The following SNTG1 variants were observed in gnomAD, a reference collection of about 807,000 sequenced individuals.
SNTG1 encodes the protein gamma-1-syntrophin.
A neutral mutation model predicts 74.7 loss-of-function variants in SNTG1; 39 were observed. The ratio of observed to expected loss-of-function variants is 0.52; its 90% CI spans 0.40 to 0.68. The LOEUF is 0.68. Ranked by LOEUF, SNTG1 falls within the 30% of genes least tolerant of loss-of-function variation. The pLI is 0.00. For synonymous variants in SNTG1, 254 were observed against 217.1 expected, an observed-to-expected ratio of 1.17 and a Z score of -1.49; for missense variants, 685 against 609.5, an observed-to-expected ratio of 1.12 and a Z score of -1.30.
intron 4 of SNTG1, among the ~76,000 whole-genome samples, chr8:50,426,830 A>G (rs1342984500): frequency 2.6e-5 from 4 of 151,700 alleles, no homozygotes; most frequent in Non-Finnish European, 5.9e-5. Flanking sequence ...AATAAGAAGT[A>G]ACACAAATTT....
chr8:50,457,665 C>CG (rs920732172), intron 8 of SNTG1, among the ~76,000 whole-genome samples: 1 of 152,100 alleles, frequency 6.6e-6, no homozygotes, highest in African/African-American at 2.4e-5. Flanking sequence ...ATAGACAAGA[C>CG]GGGGGGAATC....
At chr8:50,356,955 G>A (rs1050980001) in intron 2 of SNTG1, among the ~76,000 whole-genome samples, 1 of 152,190 alleles carries the variant, frequency 6.6e-6, no homozygotes, top group East Asian at 1.9e-4. Context: ...AGCTGGACAT[G>A]GGTTCTGTTT....
At chr8:50,047,769 TG>T (rs1329417522) in intron 1 of SNTG1, among the ~76,000 whole-genome samples, 1 of 152,018 alleles carries the variant, frequency 6.6e-6, no homozygotes, top group East Asian at 1.9e-4. Flanking sequence ...AACCTGGGGG[TG>T]TCACATGCTA....
chr8:50,025,715 A>G (rs776984923), intron 1 of SNTG1, among the ~76,000 whole-genome samples: 1 of 152,194 alleles, frequency 6.6e-6, no homozygotes, highest in Non-Finnish European at 1.5e-5. Flanking sequence ...AAAAGTGTGG[A>G]TATCTCAGTA....
intron 1 of SNTG1, among the ~76,000 whole-genome samples, chr8:50,064,579 C>T (rs1820749566): frequency 6.6e-6 from 1 of 152,212 alleles, no homozygotes; most frequent in African/African-American, 2.4e-5. Flanking sequence ...CAATGCTGAT[C>T]ACTGAAAACT....
chr8:50,372,620 T>A (rs1341813644), intron 2 of SNTG1, among the ~76,000 whole-genome samples: 1 of 152,208 alleles, frequency 6.6e-6, no homozygotes, highest in Admixed American at 6.5e-5. Flanking sequence ...AAATGTCTGC[T>A]GTGTGTCAAG....
chr8:50,686,544 A>G (rs1481809924), intron 15 of SNTG1, among the ~76,000 whole-genome samples: 1 of 152,194 alleles, frequency 6.6e-6, no homozygotes, highest in African/African-American at 2.4e-5. Flanking sequence ...ACTAAAACTC[A>G]GAAATAAAGA....
intron 1 of SNTG1, among the ~76,000 whole-genome samples, chr8:50,115,950 G>A (rs117818603): frequency 4.8e-3 from 724 of 152,108 alleles, no homozygotes; most frequent in Non-Finnish European, 7.0e-3. Flanking sequence ...CAGTCCCAAG[G>A]TCATGTCAGG....
At chr8:50,029,284 T>C (rs1189732898) in intron 1 of SNTG1, among the ~76,000 whole-genome samples, 1 of 152,176 alleles carries the variant, frequency 6.6e-6, no homozygotes, top group Non-Finnish European at 1.5e-5. Flanking sequence ...ATAATCTCAA[T>C]GGGTAATAAT....
chr8:50,025,826 CATGGTTATGTGTTGGT>C (rs1183897065), intron 1 of SNTG1, among the ~76,000 whole-genome samples: 1 of 152,126 alleles, frequency 6.6e-6, no homozygotes, highest in Non-Finnish European at 1.5e-5. Context: ...TTTCTTCTCT[CATGGTTATGTGTTGGT>C]ATGCAGAATG....
intron 1 of SNTG1, among the ~76,000 whole-genome samples, chr8:49,979,632 G>C (rs1463277397): frequency 6.6e-6 from 1 of 152,092 alleles, no homozygotes; most frequent in Non-Finnish European, 1.5e-5. Context: ...GCTTGTCGTC[G>C]CGCTCTAGGG....
chr8:50,259,801 A>C (rs947278959), intron 2 of SNTG1, among the ~76,000 whole-genome samples: 3 of 152,188 alleles, frequency 2.0e-5, no homozygotes, highest in Non-Finnish European at 4.4e-5. Context: ...GCTGCCACAT[A>C]AATTGAAGAA....
chr8:50,056,038 C>T (rs957677592), intron 1 of SNTG1, among the ~76,000 whole-genome samples: 5 of 152,026 alleles, frequency 3.3e-5, no homozygotes, highest in Admixed American at 2.6e-4. Flanking sequence ...AATGAATCAT[C>T]ACCTTTCCGT....
chr8:50,562,063 T>C (rs1178264508), intron 12 of SNTG1, among the ~76,000 whole-genome samples: 6 of 152,256 alleles, frequency 3.9e-5, no homozygotes, highest in Admixed American at 2.0e-4. Context: ...TTCTGATTTA[T>C]AAGTTACAAT....
rs2093448131 is a variant in SNTG1, at chr8:50,450,698, T to C, written c.332T>C (p.Ile111Thr). The C allele has an allele frequency of 6.2e-7, 1 of 1,613,316 alleles. No individual in the cohort carries two copies. The highest frequency in any genetic ancestry group is 8.5e-7 in the Non-Finnish European group (1 of 1,179,750). ...TTCTTTTCATTGCAGATAAATGGCA[T>C]TAATGTGAGAAAATGTAGACATGAA... is the stretch of plus-strand genomic sequence containing the variant. The part of the protein sequence containing the change: ...IGDAILQING[I>T]NVRKCRHEEV... Residue 111 changes from isoleucine to threonine, a missense_variant, in exon 8 of 19, where the codon ATT becomes ACT. Coordinates refer to ENST00000642720, the MANE Select transcript of SNTG1 (RefSeq NM_018967.5).
intron 1 of SNTG1, among the ~76,000 whole-genome samples, chr8:49,978,235 G>C (rs530352665): frequency 2.6e-5 from 4 of 151,948 alleles, no homozygotes; most frequent in African/African-American, 4.8e-5. Context: ...TAGAGAGAGC[G>C]GGGGAGAGAG....
At chr8:50,303,654 C>T (rs564617179) in intron 2 of SNTG1, among the ~76,000 whole-genome samples, 1 of 152,002 alleles carries the variant, frequency 6.6e-6, no homozygotes. Context: ...TGGTCTTCTG[C>T]AAAAGTCTTT....
chr8:50,567,000 C>A (rs543050619), intron 12 of SNTG1, among the ~76,000 whole-genome samples: 12 of 152,140 alleles, frequency 7.9e-5, no homozygotes, highest in African/African-American at 2.6e-4. Context: ...AATCCATAAA[C>A]CATCAATAAA....
intron 1 of SNTG1, among the ~76,000 whole-genome samples, chr8:50,154,124 C>T (rs561060237): frequency 3.3e-5 from 5 of 152,106 alleles, no homozygotes; most frequent in South Asian, 2.1e-4. Context: ...CCCCCAGCCT[C>T]GCTGCTGCCT....
Sources: gnomAD v4.1 joint callset for allele counts (sites outside exome capture counted in the v4.1 genomes callset) on GRCh38, gnomAD v4.1.1 for gene constraint, MANE v1.5 for transcripts, NCBI Gene and HGNC (gene_info 2026-07-23, HGNC 2026-07-21) for gene names.